OXR1: variants seen among roughly 807,000 people sequenced by gnomAD.
The protein encoded by OXR1 is oxidation resistance 1.
OXR1 carries 41 observed loss-of-function variants against 104.6 expected under a neutral mutation model. The observed-to-expected ratio is 0.39, with a 90% CI of 0.31 to 0.51. OXR1 has a LOEUF of 0.51. OXR1 is among the 20% of genes least tolerant of loss of function. The pLI, the probability that OXR1 is intolerant of heterozygous loss-of-function variation, is 0.77. For missense variants in OXR1, 955 were observed against 1,031.9 expected (o/e 0.93, Z 1.02); for synonymous variants, 348 against 348.4 (o/e 1.00, Z 0.01).
At chr8:106,305,742 A>G (rs945195029) in intron 1 of OXR1, among the ~76,000 whole-genome samples, 11 of 152,006 alleles carry the variant, frequency 7.2e-5, no homozygotes, top group Admixed American at 7.2e-4. Context: ...AGTGTTCTGT[A>G]TCTAAGATTC....
intron 7 of OXR1, among the ~76,000 whole-genome samples, chr8:106,697,097 A>G (rs1830110531): frequency 6.6e-6 from 1 of 152,216 alleles, no homozygotes; most frequent in African/African-American, 2.4e-5. Flanking sequence ...CAGAGCTCAG[A>G]GACAGAACAG....
chr8:106,578,725 T>C (rs1160316991), intron 3 of OXR1, among the ~76,000 whole-genome samples: 1 of 152,214 alleles, frequency 6.6e-6, no homozygotes, highest in African/African-American at 2.4e-5. Flanking sequence ...ATTTGTAAAA[T>C]AGATTAATTT....
At chr8:106,750,417 C>G (rs531294452) in intron 16 of OXR1, among the ~76,000 whole-genome samples, 1 of 151,330 alleles carries the variant, frequency 6.6e-6, no homozygotes, top group Admixed American at 6.6e-5. Flanking sequence ...CCTCCGCCTC[C>G]TGGGTTCAAG....
At chr8:106,695,676 C>G (rs1829948220) in intron 7 of OXR1, among the ~76,000 whole-genome samples, 1 of 152,088 alleles carries the variant, frequency 6.6e-6, no homozygotes, top group South Asian at 2.1e-4. Flanking sequence ...CTTCAGCCTC[C>G]CAAAGTGCTG....
intron 2 of OXR1, among the ~76,000 whole-genome samples, chr8:106,432,534 G>T (rs1353326242): frequency 1.3e-5 from 2 of 152,072 alleles, no homozygotes; most frequent in Non-Finnish European, 2.9e-5. Context: ...CTTGTCTCAC[G>T]TGAGTTGCTT....
At chr8:106,385,556 C>T (rs1180376317) in intron 2 of OXR1, among the ~76,000 whole-genome samples, 2 of 152,136 alleles carry the variant, frequency 1.3e-5, no homozygotes, top group Non-Finnish European at 2.9e-5. Context: ...CTTTACACCC[C>T]ACCAACCTGG....
rs774024188 is a variant in OXR1 at position 106,683,258 on chromosome 8, A to G, written c.363A>G (p.Glu121=). The change falls in exon 5 of 17, where the codon GAA becomes GAG. Residue 121 remains glutamate (E), a synonymous_variant. Coordinates refer to ENST00000517566, the MANE Select transcript of OXR1 (RefSeq NM_001198533.2). ...TGAAGTTTGATACAACACCTAACGAACTTGTTCAATTAAATAAGTTATTCT... is the reference window on the plus strand; with the variant it reads ...TGAAGTTTGATACAACACCTAACGAGCTTGTTCAATTAAATAAGTTATTCT... ...IALKFDTTPN[E]LVQLNKLFSR... is the part of the protein sequence containing the mutation. 4.4e-6 allele frequency: 7 copies of G among 1,606,538 alleles called. No homozygotes were observed. Among genetic ancestry groups the G allele is most frequent in the East Asian group, 4.5e-5 (2 of 44,686 alleles).
rs188322099 is a variant in OXR1, at chr8:106,715,035, C to T, written c.1956+1050C>T. 2.3e-3 allele frequency among the ~76,000 whole-genome samples: 353 copies of T among 152,068 alleles called. 2 individuals carry two copies. Among genetic ancestry groups the T allele is most frequent in the Non-Finnish European group, 3.0e-3 (202 of 67,958 alleles). ...AAACCAACATTATCAATCTTCATAC[C>T]AGCTTTATTCATAATGGCCCCAAAT... On this transcript the variant is annotated intron_variant, in intron 11 of 16. Transcript: ENST00000517566.
At position 106,444,081 on chromosome 8, in the gene OXR1, G is replaced by A. The variant is rs758377550; in HGVS notation, c.24-74862G>A. Among the ~76,000 whole-genome samples, 110 of 152,012 alleles carry A rather than the reference G, an allele frequency of 7.2e-4. 1 individual carries two copies. Among genetic ancestry groups the A allele is most frequent in the Non-Finnish European group, 1.3e-3 (85 of 67,928 alleles). On this transcript the variant is annotated intron_variant, in intron 2 of 16. Coordinates refer to ENST00000517566, the MANE Select transcript of OXR1 (RefSeq NM_001198533.2). ...GAAGACATTTACATGGTCAACAAACGTATGAAAAAAAGCTCAATATGACTG... is the reference window on the plus strand; with the variant it reads ...GAAGACATTTACATGGTCAACAAACATATGAAAAAAAGCTCAATATGACTG...
At chr8:106,615,509 G>C (rs925045499) in intron 3 of OXR1, among the ~76,000 whole-genome samples, 3 of 151,472 alleles carry the variant, frequency 2.0e-5, no homozygotes, top group Middle Eastern at 3.2e-3. Flanking sequence ...TCCGGAGGCT[G>C]AGGTGGGAGG....
At chr8:106,490,585 C>T (rs1443245109) in intron 2 of OXR1, among the ~76,000 whole-genome samples, 2 of 152,128 alleles carry the variant, frequency 1.3e-5, no homozygotes, top group African/African-American at 4.8e-5. Flanking sequence ...AGACTGATCT[C>T]GAACCCCCAA....
intron 1 of OXR1, among the ~76,000 whole-genome samples, chr8:106,294,862 A>C (rs1423371541): frequency 6.6e-6 from 1 of 152,178 alleles, no homozygotes; most frequent in Non-Finnish European, 1.5e-5. Context: ...TGCCACTTTT[A>C]TGCGGCCTTT....
At position 106,346,899 on chromosome 8, in the gene OXR1, C is replaced by T. The variant is rs573426875; in HGVS notation, c.-138-12577C>T. ...CTAAAAATACAAAAACAAAATTAGCCGGGCGTGGTGGCGGGCACCTGTAGT... is the reference window on the plus strand; with the variant it reads ...CTAAAAATACAAAAACAAAATTAGCTGGGCGTGGTGGCGGGCACCTGTAGT... On this transcript the variant is annotated intron_variant, in intron 1 of 16. Transcript: ENST00000517566. Among the ~76,000 whole-genome samples the T allele has an allele frequency of 4.5e-3, 684 of 152,228 alleles. 3 individuals are homozygous for T. The highest frequency in any genetic ancestry group is 6.6e-3 in the Non-Finnish European group (451 of 68,004).
Position 106,669,516 on chromosome 8 carries a change from C to G in OXR1, c.221-9694C>G, listed in dbSNP as rs1826710902. Among the ~76,000 whole-genome samples the G allele has an allele frequency of 2.7e-5, 4 of 150,754 alleles. No individual in the cohort carries two copies. The South Asian group carries it at 8.4e-4, about 32-fold the overall frequency. On this transcript the variant is annotated intron_variant, in intron 3 of 16. Coordinates refer to ENST00000517566, the MANE Select transcript of OXR1 (RefSeq NM_001198533.2). ...ATACAGGTTTTTTTCCCTAGTATCTCATTATTGAGAGAATTATTAGAAAAG... is the reference window on the plus strand; with the variant it reads ...ATACAGGTTTTTTTCCCTAGTATCTGATTATTGAGAGAATTATTAGAAAAG...
At chr8:106,343,412 C>T (rs6469061) in intron 1 of OXR1, among the ~76,000 whole-genome samples, 22,283 of 152,216 alleles carry the variant, frequency 0.15, 2,320 homozygotes, top group African/African-American at 0.29. Context: ...ATGATGTCAA[C>T]GGGAATTTGT....
chr8:106,614,116 A>G (rs530441418), intron 3 of OXR1, among the ~76,000 whole-genome samples: 13 of 152,340 alleles, frequency 8.5e-5, no homozygotes, highest in African/African-American at 2.9e-4. Context: ...CCTGCCAACA[A>G]TTCACATCTA....
At chr8:106,409,516 C>T (rs1426980740) in intron 2 of OXR1, among the ~76,000 whole-genome samples, 1 of 152,214 alleles carries the variant, frequency 6.6e-6, no homozygotes, top group East Asian at 1.9e-4. Flanking sequence ...AAATACCAGA[C>T]ATTTTAAATG....
chr8:106,289,781 T>A (rs1812672192), intron 1 of OXR1, among the ~76,000 whole-genome samples: 1 of 152,148 alleles, frequency 6.6e-6, no homozygotes, highest in Non-Finnish European at 1.5e-5. Flanking sequence ...TGAATTGTAG[T>A]TCTCATAATC....
At chr8:106,285,669 G>A (rs2130011509) in intron 1 of OXR1, among the ~76,000 whole-genome samples, 1 of 152,092 alleles carries the variant, frequency 6.6e-6, no homozygotes, top group East Asian at 1.9e-4. Context: ...GTTGCATATT[G>A]ATTCTGCATC....
Sources: gnomAD v4.1 joint callset for allele counts (sites outside exome capture counted in the v4.1 genomes callset) on GRCh38, gnomAD v4.1.1 for gene constraint, MANE v1.5 for transcripts, NCBI Gene and HGNC (gene_info 2026-07-23, HGNC 2026-07-21) for gene names.